The following MAF variants were observed in gnomAD, a reference collection of about 807,000 sequenced individuals.
MAF encodes transcription factor Maf.
In MAF, 10 loss-of-function variants were observed where a neutral mutation model predicts 22.0. The observed-to-expected ratio is 0.45, with a 90% confidence interval of 0.28 to 0.77. The LOEUF (loss-of-function observed/expected upper bound fraction) is 0.77. MAF is among the 30% of genes least tolerant of loss of function. The pLI is 0.12. For missense variants in MAF, 544 were observed against 548.4 expected, an observed-to-expected ratio of 0.99 and a Z score of 0.08; for synonymous variants, 337 against 255.8, an observed-to-expected ratio of 1.32 and a Z score of -3.03.
At chr16:79,564,622 C>G in the MAF span, among the ~76,000 whole-genome samples, 1 of 152,324 alleles carries the variant, frequency 6.6e-6, no homozygotes, top group South Asian at 2.1e-4. Flanking sequence ...ATGGAGCACC[C>G]TGTGGCAGCC....
At chr16:79,532,305 A>G in the MAF span, among the ~76,000 whole-genome samples, 65 of 152,336 alleles carry the variant, frequency 4.3e-4, no homozygotes, top group Middle Eastern at 3.4e-3. Context: ...CCCATGTCCA[A>G]CAGCATCATC....
the MAF span, among the ~76,000 whole-genome samples, chr16:79,266,022 TTTC>T: frequency 7.0e-5 from 10 of 142,318 alleles, no homozygotes; most frequent in Admixed American, 7.2e-5. Context: ...TCTCCTTTCT[TTTC>T]TTCTTTTCTT....
chr16:79,453,913 T>C, the MAF span, among the ~76,000 whole-genome samples: 1 of 152,142 alleles, frequency 6.6e-6, no homozygotes, highest in Non-Finnish European at 1.5e-5. Flanking sequence ...AGAGTGAAAA[T>C]ACTAAATACC....
the MAF span, among the ~76,000 whole-genome samples, chr16:79,458,030 G>C: frequency 6.7e-6 from 1 of 149,450 alleles, no homozygotes; most frequent in African/African-American, 2.5e-5. Flanking sequence ...TTTTCAATAT[G>C]GATGATCGAA....
the MAF span, among the ~76,000 whole-genome samples, chr16:79,427,552 A>G: frequency 0.21 from 32,439 of 152,108 alleles, 3,975 homozygotes; most frequent in African/African-American, 0.34. Context: ...GCAGCTGGGC[A>G]CTGCTCTCTG....
At chr16:79,241,941 C>T in the MAF span, among the ~76,000 whole-genome samples, 2 of 151,974 alleles carry the variant, frequency 1.3e-5, no homozygotes, top group Non-Finnish European at 2.9e-5. Context: ...TCCAGCCAAA[C>T]TAAGCTTCAT....
the MAF span, among the ~76,000 whole-genome samples, chr16:79,491,306 G>C: frequency 6.6e-6 from 1 of 152,194 alleles, no homozygotes; most frequent in African/African-American, 2.4e-5. Flanking sequence ...GGAGGTAGTA[G>C]CTGCCTCATG....
the MAF span, chr16:79,204,897 C>T: frequency 6.6e-6 from 1 of 152,242 alleles, no homozygotes; most frequent in African/African-American, 2.4e-5. Flanking sequence ...GAGCCACATT[C>T]TTGCTGGCTT....
chr16:79,336,248 G>A, the MAF span, among the ~76,000 whole-genome samples: 5 of 152,200 alleles, frequency 3.3e-5, no homozygotes, highest in Non-Finnish European at 7.3e-5. Flanking sequence ...TTACATAAAT[G>A]CATTATAGAC....
the MAF span, among the ~76,000 whole-genome samples, chr16:79,532,417 A>T: frequency 6.6e-6 from 1 of 152,358 alleles, no homozygotes; most frequent in East Asian, 1.9e-4. Flanking sequence ...AGTGAAACAA[A>T]TGTGCAGTGA....
chr16:79,482,187 G>A, the MAF span, among the ~76,000 whole-genome samples: 1 of 152,226 alleles, frequency 6.6e-6, no homozygotes, highest in Non-Finnish European at 1.5e-5. Flanking sequence ...GTTTCTAACA[G>A]CCTGTCCTCC....
At chr16:79,210,758 A>G in the MAF span, among the ~76,000 whole-genome samples, 1 of 152,156 alleles carries the variant, frequency 6.6e-6, no homozygotes, top group African/African-American at 2.4e-5. Context: ...TCTTTATAGC[A>G]TCCCTGACAG....
At chr16:79,417,671 G>A in the MAF span, among the ~76,000 whole-genome samples, 1 of 152,120 alleles carries the variant, frequency 6.6e-6, no homozygotes, top group Non-Finnish European at 1.5e-5. Context: ...GGAGCAGTAC[G>A]GTCCTCCGTC....
chr16:79,455,668 G>A, the MAF span, among the ~76,000 whole-genome samples: 1 of 152,098 alleles, frequency 6.6e-6, no homozygotes, highest in Non-Finnish European at 1.5e-5. Context: ...TTAAAAAATT[G>A]ATTTTGAATC....
downstream of MAF, among the ~76,000 whole-genome samples, chr16:79,581,702 C>T (rs1002159491): frequency 2.6e-5 from 4 of 152,170 alleles, no homozygotes; most frequent in African/African-American, 7.2e-5. Context: ...TGATGCTTGC[C>T]GAGGGAAAAC....
the MAF span, among the ~76,000 whole-genome samples, chr16:79,219,626 C>G: frequency 6.7e-6 from 1 of 149,888 alleles, no homozygotes; most frequent in Non-Finnish European, 1.5e-5. Flanking sequence ...CACCAATGAG[C>G]AAACCATTTG....
chr16:79,507,511 GCCT>G, the MAF span, among the ~76,000 whole-genome samples: 3 of 150,956 alleles, frequency 2.0e-5, no homozygotes, highest in Non-Finnish European at 4.4e-5. Flanking sequence ...TGCAAGCCCT[GCCT>G]CCTGGGTTCA....
chr16:79,242,239 G>C, the MAF span, among the ~76,000 whole-genome samples: 1 of 151,620 alleles, frequency 6.6e-6, no homozygotes, highest in African/African-American at 2.4e-5. Context: ...AAAGACACAG[G>C]CTGGCAAATT....
the MAF span, among the ~76,000 whole-genome samples, chr16:79,499,576 T>C: frequency 1.3e-5 from 2 of 152,276 alleles, no homozygotes; most frequent in South Asian, 2.1e-4. Context: ...GGGGTCATCA[T>C]GAATGGGGTT....
Sources: gnomAD v4.1 joint callset for allele counts (sites outside exome capture counted in the v4.1 genomes callset) on GRCh38, gnomAD v4.1.1 for gene constraint, MANE v1.5 for transcripts, NCBI Gene and HGNC (gene_info 2026-07-23, HGNC 2026-07-21) for gene names.